Variants in FCRL5 observed in about 807,000 individuals in gnomAD.
FCRL5 encodes Fc receptor-like protein 5.
Under a neutral mutation model 92.1 loss-of-function variants are expected in FCRL5, and 79 were observed. The observed-to-expected ratio is 0.86, with a 90% CI of 0.72 to 1.03. The LOEUF (loss-of-function observed/expected upper bound fraction) is 1.03, where lower values mean the gene tolerates loss of function less well. Among genes scored for constraint, FCRL5 ranks in the 50% least tolerant of loss-of-function variants. FCRL5 has a pLI of 0.00. For missense variants in FCRL5, 1,160 were observed against 1,181.1 expected, an observed-to-expected ratio of 0.98 and a Z score of 0.26; for synonymous variants, 466 against 469.3, an observed-to-expected ratio of 0.99 and a Z score of 0.09.
chr1:157,547,352 T>G (rs1651601277), intron 2 of FCRL5, 155 bp from the exon 3 acceptor site: 1 of 977,116 alleles, frequency 1.0e-6, no homozygotes, highest in Non-Finnish European at 1.6e-6. Context: ...TGTCAGCCAG[T>G]GGCCCTCACC....
At chr1:157,518,298 A>G in intron 15 of FCRL5, 131 bp downstream of exon 15, 1 of 728,102 alleles carries the variant, frequency 1.4e-6, no homozygotes, top group Admixed American at 2.3e-5. Context: ...AGGCACACAT[A>G]AAGAAGCCCC....
Position 157,539,365 on chromosome 1 carries a change from C to G in FCRL5, c.1124-1G>C. On this transcript the variant is annotated splice_acceptor_variant, in intron 6 of 16. Coordinates refer to ENST00000361835, the MANE Select transcript of FCRL5 (RefSeq NM_031281.3). LOFTEE classifies it high-confidence loss of function. ...TTGAGGACAGGATGAGACACGGGAA[C>G]TGAGAGAGAGAAAAAATTAGTCAAG... is the stretch of plus-strand genomic sequence containing the variant. The G allele has an allele frequency of 1.3e-6, 2 of 1,586,828 alleles. No homozygotes were observed. Among genetic ancestry groups the G allele is most frequent in the South Asian group, 2.3e-5 (2 of 86,666 alleles).
In FCRL5 at chr1:157,524,328, GT is replaced by G. The variant is rs1558129106; in HGVS notation, c.2189del (p.Asp730AlafsTer12). Reference protein sequence around the residue: ...EHSGIYSCEADNGLEAQRSEM... With the variant: ...EHSGIYSCEAXNGLEAQRSEM... ...CACTGCGCTGGGCCTCCAGACCATTGTCTGCCTCACAGGAGTAGATTCCAGA... is the reference window on the plus strand; with the variant it reads ...CACTGCGCTGGGCCTCCAGACCATTGCTGCCTCACAGGAGTAGATTCCAGA... On this transcript the variant is annotated frameshift_variant, in exon 10 of 17. Coordinates refer to ENST00000361835, the MANE Select transcript of FCRL5 (RefSeq NM_031281.3). LOFTEE classifies it high-confidence loss of function. 1 of 1,614,276 alleles carries G rather than the reference GT, an allele frequency of 6.2e-7. No homozygotes were observed. The highest frequency in any genetic ancestry group is 8.5e-7 in the Non-Finnish European group (1 of 1,180,050).
intron 3 of FCRL5, among the ~76,000 whole-genome samples, chr1:157,546,575 A>G (rs911372033): frequency 1.3e-5 from 2 of 152,152 alleles, no homozygotes; most frequent in African/African-American, 4.8e-5. Flanking sequence ...AGAGGCTTGT[A>G]AAAAATATAA....
At position 157,543,046 on chromosome 1, in the gene FCRL5, T is replaced by A; in HGVS notation, c.936A>T (p.Glu312Asp). Reference sequence around the variant, plus strand: ...ACCTGTACAAAGTGCGCAGAGAATCTTCCTGGGTTTCACAGTGAAGTGTCA... The same window carrying A: ...ACCTGTACAAAGTGCGCAGAGAATCATCCTGGGTTTCACAGTGAAGTGTCA... The part of the protein sequence containing the change: ...TKVTLHCETQ[E>D]DSLRTLYRFY... The change falls in exon 6 of 17, where the codon GAA becomes GAT. Residue 312 changes from glutamate (E) to aspartate (D), a missense_variant. Glu to Asp is a conservative substitution (Grantham distance 45). Transcript: ENST00000361835. The A allele has an allele frequency of 6.2e-7, 1 of 1,614,246 alleles. No homozygotes were observed. The highest frequency in any genetic ancestry group is 1.7e-4 in the Middle Eastern group (1 of 6,060).
intron 10 of FCRL5, 131 bp from the exon 11 acceptor site, chr1:157,521,423 C>T: frequency 8.8e-7 from 1 of 1,137,058 alleles, no homozygotes; most frequent in Non-Finnish European, 1.2e-6. Flanking sequence ...GATGATAAAG[C>T]TAATTACTTT....
At chr1:157,535,943 G>GTTTTTTTTTTCTT (rs1650948224) in intron 7 of FCRL5, among the ~76,000 whole-genome samples, 2 of 90,008 alleles carry the variant, frequency 2.2e-5, no homozygotes, top group Non-Finnish European at 4.3e-5. Context: ...ATGTGACTCA[G>GTTTTTTTTTTCTT]TTTTTTTTTT....
chr1:157,532,762 G>C (rs1650756071), intron 8 of FCRL5: 1 of 152,188 alleles, frequency 6.6e-6, no homozygotes, highest in African/African-American at 2.4e-5. Flanking sequence ...GCTTTGACGA[G>C]TCAATGTGTG....
intron 10 of FCRL5, among the ~76,000 whole-genome samples, chr1:157,523,427 G>A (rs1378299337): frequency 1.3e-5 from 2 of 152,220 alleles, no homozygotes; most frequent in African/African-American, 4.8e-5. Flanking sequence ...CACTTTGTGG[G>A]TGTGGAAATT....
intron 9 of FCRL5, among the ~76,000 whole-genome samples, chr1:157,524,904 T>A (rs1458794437): frequency 6.6e-6 from 1 of 152,176 alleles, no homozygotes; most frequent in Admixed American, 6.5e-5. Context: ...TCACCAGGGA[T>A]GTAATTGCAT....
At chr1:157,540,525 T>TAA (rs536172209) in intron 6 of FCRL5, among the ~76,000 whole-genome samples, 29 of 142,334 alleles carry the variant, frequency 2.0e-4, no homozygotes, top group Admixed American at 5.7e-4. Context: ...TCTCCATGTT[T>TAA]AAAAAAAAAA....
At chr1:157,519,238 T>C (rs1376277459) in intron 13 of FCRL5, among the ~76,000 whole-genome samples, 1 of 152,220 alleles carries the variant, frequency 6.6e-6, no homozygotes, top group African/African-American at 2.4e-5. Flanking sequence ...TGAGCCTTTG[T>C]GTGGCTCCTA....
At position 157,545,039 on chromosome 1, in the gene FCRL5, G is replaced by A. The variant is rs780136112; in HGVS notation, c.351C>T (p.Asp117=). ...TTGCCCGGCACCTCAGAACCACAGA[G>A]TCTCCTTCAAACACAGAAAGTGGAG... The part of the protein sequence containing the change: ...LQAPLSVFEG[D]SVVLRCRAKA... Residue 117 remains aspartate (D), a synonymous_variant, in exon 4 of 17, where the codon GAC becomes GAT. Transcript: ENST00000361835. 2.5e-6 allele frequency: 4 copies of A among 1,613,034 alleles called. No homozygotes were observed. The highest frequency in any genetic ancestry group is 2.2e-5 in the South Asian group (2 of 91,024).
chr1:157,539,812 C>T (rs985898229), intron 6 of FCRL5, among the ~76,000 whole-genome samples: 4 of 152,136 alleles, frequency 2.6e-5, no homozygotes, highest in Admixed American at 2.0e-4. Context: ...ATTCCTCTGC[C>T]CCTCTCTCAC....
chr1:157,551,775 G>A (rs900849310), intron 1 of FCRL5, among the ~76,000 whole-genome samples: 1 of 152,234 alleles, frequency 6.6e-6, no homozygotes, highest in Non-Finnish European at 1.5e-5. Flanking sequence ...GGGACAAAGA[G>A]AAAGTCATAT....
intron 9 of FCRL5, among the ~76,000 whole-genome samples, chr1:157,526,343 A>G (rs1650426996): frequency 6.6e-6 from 1 of 152,206 alleles, no homozygotes; most frequent in Admixed American, 6.5e-5. Context: ...AAAACCTAGT[A>G]GATTAGAGCC....
intron 2 of FCRL5, chr1:157,547,423 C>G: frequency 1.4e-6 from 1 of 732,396 alleles, no homozygotes; most frequent in Non-Finnish European, 2.5e-6. Flanking sequence ...AGGAGGGTGA[C>G]ACCAGCAGGA....
rs1053310181 is a variant in FCRL5, at chr1:157,552,446, G to A, written c.-84C>T. On this transcript the variant is annotated 5_prime_UTR_variant, in exon 1 of 17. Coordinates refer to ENST00000361835, the MANE Select transcript of FCRL5 (RefSeq NM_031281.3). The stretch of plus-strand genomic sequence containing the variant: ...GGTTTGGACTTGATCTTACAGTCAG[G>A]ACACTGCACACCAGCTCCAAGGAGC... The A allele has an allele frequency of 8.7e-6, 12 of 1,372,872 alleles. No homozygotes were observed. The highest frequency in any genetic ancestry group is 1.1e-5 in the Non-Finnish European group (11 of 960,508). 85.0% of individuals were successfully genotyped at this position (1,372,872 alleles called of 1,614,324 possible).
Position 157,545,053 on chromosome 1 carries a change from C to G in FCRL5, c.337G>C (p.Val113Leu), listed in dbSNP as rs1651464829. Residue 113 changes from valine (V) to leucine (L), a missense_variant, in exon 4 of 17, where the codon GTG becomes CTG. Val to Leu is a conservative substitution (Grantham distance 32). Coordinates refer to ENST00000361835, the MANE Select transcript of FCRL5 (RefSeq NM_031281.3). ...AGAACCACAGAGTCTCCTTCAAACA[C>G]AGAAAGTGGAGCTTGCAGGATCAGC... ...ASLILQAPLSVFEGDSVVLRC... is the reference protein window; with the variant it reads ...ASLILQAPLSLFEGDSVVLRC... 7.4e-6 allele frequency: 12 copies of G among 1,612,656 alleles called. No homozygotes were observed. The highest frequency in any genetic ancestry group is 1.0e-5 in the Non-Finnish European group (12 of 1,180,036).
Sources: allele counts gnomAD v4.1 joint callset (sites outside exome capture counted in the v4.1 genomes callset), GRCh38; gene constraint gnomAD v4.1.1; transcripts MANE v1.5; gene names NCBI Gene and HGNC (gene_info 2026-07-23, HGNC 2026-07-21).